Variants in CELF4 observed in about 807,000 individuals in gnomAD.
The protein encoded by CELF4 is CUG-BP- and ETR-3-like factor 4.
In CELF4, 18 loss-of-function variants were observed where a neutral mutation model predicts 59.9. The ratio of observed to expected loss-of-function variants is 0.30; its 90% CI spans 0.21 to 0.45. CELF4 has a LOEUF of 0.45. Ranked by LOEUF, CELF4 falls within the 20% of genes least tolerant of loss-of-function variation. The pLI, the probability that CELF4 is intolerant of heterozygous loss-of-function variation, is 1.00. For missense variants in CELF4, 456 were observed against 689.0 expected, an observed-to-expected ratio of 0.66 and a Z score of 3.79; for synonymous variants, 261 against 267.1, an observed-to-expected ratio of 0.98 and a Z score of 0.22.
At chr18:37,364,340 G>A (rs1030387111) in intron 2 of CELF4, among the ~76,000 whole-genome samples, 15 of 152,184 alleles carry the variant, frequency 9.9e-5, no homozygotes, top group African/African-American at 3.6e-4. Context: ...AATGACAAGT[G>A]TCCTTTCACT....
At chr18:37,523,509 G>T (rs530070237) in intron 1 of CELF4, among the ~76,000 whole-genome samples, 2 of 152,322 alleles carry the variant, frequency 1.3e-5, no homozygotes, top group Admixed American at 6.5e-5. Flanking sequence ...CCCCGGCTGG[G>T]GAGACAGGCT....
chr18:37,450,292 C>T (rs748864736), intron 2 of CELF4, among the ~76,000 whole-genome samples: 17 of 151,650 alleles, frequency 1.1e-4, no homozygotes, highest in Non-Finnish European at 2.4e-4. Flanking sequence ...CCCATTGTGG[C>T]TGGAAAAAAA....
At chr18:37,564,603 A>AT (rs1053928202) in intron 1 of CELF4, among the ~76,000 whole-genome samples, 4 of 151,834 alleles carry the variant, frequency 2.6e-5, no homozygotes, top group East Asian at 1.9e-4. Flanking sequence ...GCACACACAT[A>AT]TTTTTTTCCC....
intron 2 of CELF4, among the ~76,000 whole-genome samples, chr18:37,335,618 C>G (rs115029411): frequency 0.019 from 2,853 of 151,918 alleles, 101 homozygotes; most frequent in African/African-American, 0.066. Flanking sequence ...ACTGTACCCT[C>G]TCTAGCTCTC....
intron 8 of CELF4, among the ~76,000 whole-genome samples, chr18:37,267,673 C>T (rs922429522): frequency 2.6e-5 from 4 of 152,204 alleles, no homozygotes; most frequent in Non-Finnish European, 5.9e-5. Context: ...GACCTTTAGT[C>T]TAGGGAGAGT....
intron 2 of CELF4, among the ~76,000 whole-genome samples, chr18:37,349,749 CA>C (rs1454286308): frequency 6.6e-6 from 1 of 152,126 alleles, no homozygotes; most frequent in East Asian, 1.9e-4. Flanking sequence ...GTGGCTGGTG[CA>C]GTTGATTCCT....
chr18:37,400,086 T>G (rs2099307643), intron 2 of CELF4, among the ~76,000 whole-genome samples: 1 of 152,204 alleles, frequency 6.6e-6, no homozygotes, highest in Non-Finnish European at 1.5e-5. Flanking sequence ...TACCAGTATT[T>G]GCCTTGAAGT....
At chr18:37,326,380 G>A (rs1013970565) in intron 2 of CELF4, among the ~76,000 whole-genome samples, 4 of 152,156 alleles carry the variant, frequency 2.6e-5, no homozygotes, top group Admixed American at 6.5e-5. Context: ...TCCTGCCCCC[G>A]TCTCTGCTCC....
At chr18:37,564,738 A>C (rs1603644328) in intron 1 of CELF4, among the ~76,000 whole-genome samples, 1 of 147,846 alleles carries the variant, frequency 6.8e-6, no homozygotes, top group South Asian at 2.2e-4. Context: ...CAAACATCCA[A>C]CCCCCCCACC....
Position 37,273,154 on chromosome 18 carries a change from G to C in CELF4, c.811C>G (p.Gln271Glu). ...YGAYAQALMQ[Q>E]QAALMASVAQ... ...ACTGATGCCATCAGGGCCGCTTGCTGCTGCATCAGCTGGGGCAGAGGGAGT... is the reference window on the plus strand; with the variant it reads ...ACTGATGCCATCAGGGCCGCTTGCTCCTGCATCAGCTGGGGCAGAGGGAGT... The change falls in exon 7 of 13, where the codon CAG becomes GAG. Residue 271 changes from glutamine (Q) to glutamate (E), a missense_variant. Physicochemically the swap from Gln to Glu is conservative, Grantham distance 29. Transcript: ENST00000420428. 6.2e-7 allele frequency: 1 copy of C among 1,608,510 alleles called. No individual in the cohort carries two copies. Among genetic ancestry groups the C allele is most frequent in the Non-Finnish European group, 8.5e-7 (1 of 1,175,540 alleles).
At chr18:37,352,427 G>A (rs1239111147) in intron 2 of CELF4, among the ~76,000 whole-genome samples, 1 of 152,040 alleles carries the variant, frequency 6.6e-6, no homozygotes, top group Non-Finnish European at 1.5e-5. Flanking sequence ...AGGATCACTT[G>A]AGCCCGGGAA....
chr18:37,512,478 T>G (rs116248200), intron 1 of CELF4, among the ~76,000 whole-genome samples: 2,380 of 150,330 alleles, frequency 0.016, 67 homozygotes, highest in African/African-American at 0.054. Flanking sequence ...TTTCTCCTCA[T>G]GCTTCATTTT....
intron 2 of CELF4, among the ~76,000 whole-genome samples, chr18:37,396,552 C>T (rs990230677): frequency 7.9e-5 from 12 of 152,172 alleles, no homozygotes; most frequent in African/African-American, 2.4e-4. Context: ...CAAGGTGTTT[C>T]CATTGCTCAC....
chr18:37,288,648 T>C (rs963998949), intron 3 of CELF4, among the ~76,000 whole-genome samples: 3 of 152,122 alleles, frequency 2.0e-5, no homozygotes, highest in Non-Finnish European at 4.4e-5. Context: ...CACCAGAGGA[T>C]GGTCATGAGG....
intron 3 of CELF4, among the ~76,000 whole-genome samples, chr18:37,298,722 C>A (rs2095822873): frequency 1.9e-5 from 2 of 106,326 alleles, no homozygotes; most frequent in East Asian, 2.7e-4. Flanking sequence ...GAGACTCTAT[C>A]TCAAAAAAAA....
At chr18:37,365,054 T>A (rs1310306957) in intron 2 of CELF4, among the ~76,000 whole-genome samples, 3 of 152,132 alleles carry the variant, frequency 2.0e-5, no homozygotes, top group Non-Finnish European at 4.4e-5. Flanking sequence ...GAGAGGTTGC[T>A]GGGAGAATGA....
rs2067935938 is a variant in CELF4, at chr18:37,254,549, G to A, written c.1334-611C>T. On this transcript the variant is annotated intron_variant, in intron 11 of 12. Coordinates refer to ENST00000420428, the MANE Select transcript of CELF4 (RefSeq NM_020180.4). This position sits in a 1 kb window ranked among gnomAD's most constrained non-coding sequence, Gnocchi z 5.1. ...CCGCCCCCACTCCCGGCCTCTGCCC[G>A]CCCCGCCAGGCTCCGGGTGGGCCCT... Among the ~76,000 whole-genome samples the A allele has an allele frequency of 6.6e-6, 1 of 152,046 alleles. No individual in the cohort carries two copies. The highest frequency in any genetic ancestry group is 1.5e-5 in the Non-Finnish European group (1 of 67,968).
intron 2 of CELF4, among the ~76,000 whole-genome samples, chr18:37,397,307 C>T (rs984219406): frequency 6.6e-6 from 1 of 151,920 alleles, no homozygotes; most frequent in African/African-American, 2.4e-5. Context: ...CTCATTTATT[C>T]AGGGAGATTT....
At chr18:37,494,433 C>A (rs2099922569) in intron 1 of CELF4, among the ~76,000 whole-genome samples, 1 of 152,202 alleles carries the variant, frequency 6.6e-6, no homozygotes, top group African/African-American at 2.4e-5. Context: ...CAGCTGACCA[C>A]ATTTGTTGGG....
Sources: allele counts gnomAD v4.1 joint callset (sites outside exome capture counted in the v4.1 genomes callset), GRCh38; gene constraint gnomAD v4.1.1; non-coding constraint Gnocchi (gnomAD v3.1); transcripts MANE v1.5; gene names NCBI Gene and HGNC (gene_info 2026-07-23, HGNC 2026-07-21).